The following SLC14A2 variants were observed in gnomAD, a reference collection of about 807,000 sequenced individuals.
SLC14A2 encodes the protein solute carrier family 14 member 2.
In SLC14A2, 91 loss-of-function variants were observed where a neutral mutation model predicts 104.6. The ratio of observed to expected loss-of-function variants is 0.87; its 90% confidence interval spans 0.73 to 1.04. The LOEUF is 1.04. SLC14A2 is among the 50% of genes least tolerant of loss of function. The pLI is 0.00. For missense variants in SLC14A2, 1,189 were observed against 1,156.0 expected (o/e 1.03, Z -0.41); for synonymous variants, 476 against 466.4 (o/e 1.02, Z -0.27).
intron 10 of SLC14A2, among the ~76,000 whole-genome samples, chr18:45,662,272 A>C (rs976785095): frequency 6.6e-6 from 1 of 152,202 alleles, no homozygotes; most frequent in African/African-American, 2.4e-5. Flanking sequence ...ACTGCACTCC[A>C]GCCTGGGTGA....
chr18:45,264,428 A>G (rs2084571227), intron 1 of SLC14A2, among the ~76,000 whole-genome samples: 1 of 152,184 alleles, frequency 6.6e-6, no homozygotes, highest in South Asian at 2.1e-4. Flanking sequence ...TTTACTAACT[A>G]TATCACAGTA....
In SLC14A2 at chr18:45,627,059, C is replaced by G; in HGVS notation, c.433C>G (p.Leu145Val). 6.2e-7 allele frequency: 1 copy of G among 1,613,770 alleles called. No individual in the cohort carries two copies. The highest frequency in any genetic ancestry group is 8.5e-7 in the Non-Finnish European group (1 of 1,179,934). ...PLSGLIIFIG[L>V]LIQNPWWTIT... is the part of the protein sequence containing the mutation. ...CAGCGGCCTCATCATCTTCATAGGG[C>G]TGCTGATCCAGAATCCCTGGTGGAC... The change falls in exon 4 of 20, where the codon CTG (leucine) becomes GTG (valine). Residue 145 changes from leucine (L) to valine (V), a missense_variant. Coordinates refer to ENST00000255226, the MANE Select transcript of SLC14A2 (RefSeq NM_007163.4).
chr18:45,279,681 T>C (rs2084741526), intron 1 of SLC14A2, among the ~76,000 whole-genome samples: 1 of 152,166 alleles, frequency 6.6e-6, no homozygotes, highest in Non-Finnish European at 1.5e-5. Context: ...TGATGACTTT[T>C]GAGGCTTTTT....
intron 2 of SLC14A2, among the ~76,000 whole-genome samples, chr18:45,499,107 C>T (rs1371270777): frequency 1.3e-5 from 2 of 152,212 alleles, no homozygotes; most frequent in African/African-American, 2.4e-5. Flanking sequence ...CCACCACCTT[C>T]ATTTTTCACT....
chr18:45,228,336 G>A (rs549184881), intron 1 of SLC14A2, among the ~76,000 whole-genome samples: 99 of 152,290 alleles, frequency 6.5e-4, no homozygotes, highest in Non-Finnish European at 1.1e-3. Flanking sequence ...TCTGGAAGGG[G>A]AGCTGTTACC....
chr18:45,492,522 A>G (rs1239041239), intron 2 of SLC14A2, among the ~76,000 whole-genome samples: 1 of 152,180 alleles, frequency 6.6e-6, no homozygotes, highest in Non-Finnish European at 1.5e-5. Context: ...CGAAAACAGC[A>G]TGGAAGAAAC....
intron 19 of SLC14A2, among the ~76,000 whole-genome samples, chr18:45,681,980 T>C (rs1471557192): frequency 6.6e-6 from 1 of 152,222 alleles, no homozygotes; most frequent in Non-Finnish European, 1.5e-5. Context: ...AGGATGACCA[T>C]AGTTCCTAGA....
chr18:45,503,258 C>G (rs1161094428), intron 2 of SLC14A2, among the ~76,000 whole-genome samples: 1 of 152,092 alleles, frequency 6.6e-6, no homozygotes, highest in Non-Finnish European at 1.5e-5. Flanking sequence ...TACTTAGAGT[C>G]AGGCTTTGAG....
intron 1 of SLC14A2, among the ~76,000 whole-genome samples, chr18:45,296,219 C>G (rs988579039): frequency 6.6e-6 from 1 of 152,098 alleles, no homozygotes; most frequent in Non-Finnish European, 1.5e-5. Flanking sequence ...GATTAAGAAC[C>G]CTGCCTCCAA....
intron 2 of SLC14A2, among the ~76,000 whole-genome samples, chr18:45,561,555 C>T (rs2044201445): frequency 6.6e-6 from 1 of 152,142 alleles, no homozygotes; most frequent in African/African-American, 2.4e-5. Context: ...GACTCTACTT[C>T]ACAAACACCT....
intron 1 of SLC14A2, among the ~76,000 whole-genome samples, chr18:45,286,736 GTC>G (rs1388627284): frequency 2.6e-5 from 4 of 152,002 alleles, no homozygotes; most frequent in African/African-American, 9.6e-5. Context: ...GTGTGTGTGT[GTC>G]TGTGTGTCTC....
chr18:45,219,517 C>T (rs913144741), intron 1 of SLC14A2, among the ~76,000 whole-genome samples: 5 of 152,066 alleles, frequency 3.3e-5, no homozygotes, highest in South Asian at 2.1e-4. Context: ...GAAAGGCGAA[C>T]GGTTATCAAA....
intron 1 of SLC14A2, among the ~76,000 whole-genome samples, chr18:45,259,366 C>T (rs957184534): frequency 1.3e-5 from 2 of 152,110 alleles, no homozygotes; most frequent in Non-Finnish European, 2.9e-5. Context: ...TTGGATAATT[C>T]GCCACAGCAC....
chr18:45,671,029 A>C (rs949014664), intron 16 of SLC14A2, among the ~76,000 whole-genome samples: 2 of 152,158 alleles, frequency 1.3e-5, no homozygotes, highest in Admixed American at 6.5e-5. Flanking sequence ...TGGACCAGAA[A>C]CAAGAAAAGG....
the SLC14A2 span, among the ~76,000 whole-genome samples, chr18:45,195,865 AT>A: frequency 2.6e-5 from 4 of 152,182 alleles, no homozygotes; most frequent in Non-Finnish European, 4.4e-5. Context: ...GTAATATAAT[AT>A]TTTTAAAAGA....
intron 1 of SLC14A2, among the ~76,000 whole-genome samples, chr18:45,409,942 G>A (rs565904755): frequency 2.7e-4 from 41 of 152,034 alleles, no homozygotes; most frequent in Non-Finnish European, 4.9e-4. Flanking sequence ...ACAATTCACC[G>A]TAATGTAGAA....
At chr18:45,412,624 T>TAA (rs1490778565) in intron 1 of SLC14A2, among the ~76,000 whole-genome samples, 2 of 152,048 alleles carry the variant, frequency 1.3e-5, no homozygotes, top group African/African-American at 4.8e-5. Context: ...TCTCTGGGGG[T>TAA]AAACAGTAAG....
chr18:45,563,549 C>T (rs1213993503), intron 2 of SLC14A2, among the ~76,000 whole-genome samples: 3 of 152,226 alleles, frequency 2.0e-5, no homozygotes, highest in Non-Finnish European at 2.9e-5. Context: ...AACTGTCTGA[C>T]ACATCCGTAA....
At chr18:45,562,765 G>A (rs2044217499) in intron 2 of SLC14A2, among the ~76,000 whole-genome samples, 1 of 152,150 alleles carries the variant, frequency 6.6e-6, no homozygotes, top group South Asian at 2.1e-4. Flanking sequence ...GGCCCCCGGA[G>A]AGGAGGGAGG....
Sources: allele counts gnomAD v4.1 joint callset (sites outside exome capture counted in the v4.1 genomes callset), GRCh38; gene constraint gnomAD v4.1.1; transcripts MANE v1.5; gene names NCBI Gene and HGNC (gene_info 2026-07-23, HGNC 2026-07-21).